Variants in CNST observed in about 807,000 individuals in gnomAD.
CNST encodes the protein consortin.
Under a neutral mutation model 72.4 loss-of-function variants are expected in CNST, and 39 were observed. That is an observed-to-expected ratio of 0.54 (90% CI 0.42 to 0.70). The LOEUF is 0.70. Ranked by LOEUF, CNST falls within the 30% of genes least tolerant of loss-of-function variation. CNST has a pLI of 0.00. For synonymous variants in CNST, 332 were observed against 320.1 expected, an observed-to-expected ratio of 1.04 and a Z score of -0.40; for missense variants, 871 against 868.5, an observed-to-expected ratio of 1.00 and a Z score of -0.04.
intron 2 of CNST, among the ~76,000 whole-genome samples, chr1:246,620,468 A>C (rs111866299): frequency 1.8e-4 from 1 of 5,692 alleles, no homozygotes; most frequent in Non-Finnish European, 4.3e-4. Context: ...GGGCTCTGGG[A>C]ACACTACAGG....
At chr1:246,596,087 T>C (rs188077629) in intron 2 of CNST, among the ~76,000 whole-genome samples, 3 of 152,092 alleles carry the variant, frequency 2.0e-5, no homozygotes, top group Non-Finnish European at 4.4e-5. Flanking sequence ...CTTGATATGC[T>C]TAACTAAGCA....
chr1:246,659,085 G>A (rs1666924368), intron 9 of CNST, among the ~76,000 whole-genome samples: 1 of 152,192 alleles, frequency 6.6e-6, no homozygotes, highest in Non-Finnish European at 1.5e-5. Context: ...AGAGATATTA[G>A]GCAGCAGACT....
chr1:246,660,453 C>T (rs987699539), intron 10 of CNST, 119 bp downstream of exon 10: 14 of 1,083,154 alleles, frequency 1.3e-5, no homozygotes, highest in African/African-American at 4.7e-5. Flanking sequence ...CCGCCAGGCA[C>T]GGTGGCTCAC....
chr1:246,645,821 T>G (rs1006453511), intron 8 of CNST, among the ~76,000 whole-genome samples: 1 of 152,218 alleles, frequency 6.6e-6, no homozygotes, highest in Non-Finnish European at 1.5e-5. Flanking sequence ...ATCCATGCAC[T>G]TCTCATTCAT....
chr1:246,617,538 T>C lies in CNST; in HGVS notation c.380-3891T>C, dbSNP rs1361955376. On this transcript the variant is annotated intron_variant, in intron 2 of 10. Coordinates refer to ENST00000366513, the MANE Select transcript of CNST (RefSeq NM_152609.3). The stretch of plus-strand genomic sequence containing the variant: ...TTTTGGCATGCACTGTCTCATTTAA[T>C]CCTCACACTAATATTATAAGGTAGA... 2.0e-5 allele frequency among the ~76,000 whole-genome samples: 3 copies of C among 152,334 alleles called. No individual in the cohort carries two copies. In the East Asian group the frequency reaches 5.8e-4, roughly 29 times the overall value.
At chr1:246,645,798 C>G (rs1208072276) in intron 8 of CNST, among the ~76,000 whole-genome samples, 1 of 152,176 alleles carries the variant, frequency 6.6e-6, no homozygotes, top group African/African-American at 2.4e-5. Flanking sequence ...GCAAGCTTCT[C>G]TGTTACCTAC....
chr1:246,602,895 T>TA (rs1295731882), intron 2 of CNST, among the ~76,000 whole-genome samples: 1 of 48,914 alleles, frequency 2.0e-5, no homozygotes, highest in East Asian at 7.7e-4. Flanking sequence ...TCTTTTTGTC[T>TA]AGTTTTTTTT....
In CNST at chr1:246,591,698, G is replaced by A; in HGVS notation, c.136G>A (p.Asp46Asn). The A allele has an allele frequency of 1.2e-6, 2 of 1,614,166 alleles. No homozygotes were observed. The highest frequency in any genetic ancestry group is 1.7e-6 in the Non-Finnish European group (2 of 1,180,036). ...TGAAAATGAAAATCAGCTTGACGGG[G>A]ACGGGCATGAGCATCTGACCAGCAG... ...SDENENQLDG[D>N]GHEHLTSSDS... Residue 46 changes from aspartate (D) to asparagine (N), a missense_variant, in exon 2 of 11, where the codon GAC (aspartate) becomes AAC (asparagine). By Grantham distance (23) the Asp-to-Asn change is conservative. Coordinates refer to ENST00000366513, the MANE Select transcript of CNST (RefSeq NM_152609.3).
intron 1 of CNST, among the ~76,000 whole-genome samples, chr1:246,578,056 A>G (rs941179092): frequency 9.2e-5 from 14 of 152,070 alleles, no homozygotes; most frequent in Non-Finnish European, 2.1e-4. Flanking sequence ...GGTAAAAGGT[A>G]GTGAGAGACT....
At chr1:246,616,455 C>T (rs562854593) in intron 2 of CNST, among the ~76,000 whole-genome samples, 1 of 152,224 alleles carries the variant, frequency 6.6e-6, no homozygotes, top group Non-Finnish European at 1.5e-5. Context: ...CTACTCGGGA[C>T]ACTGAGGTGG....
At position 246,647,642 on chromosome 1, in the gene CNST, T is replaced by G. The variant is rs985609869; in HGVS notation, c.1441T>G (p.Leu481Val). ...CACAGACCAACTTGAGAACAATGAATTAAATGAGCTGCAGCAGCCTGATCT... is the reference window on the plus strand; with the variant it reads ...CACAGACCAACTTGAGAACAATGAAGTAAATGAGCTGCAGCAGCCTGATCT... ...LPTDQLENNE[L>V]NELQQPDLTD... is the part of the protein sequence containing the mutation. Residue 481 changes from leucine to valine, a missense_variant, in exon 9 of 11, where the codon TTA becomes GTA. Transcript: ENST00000366513. The G allele has an allele frequency of 6.2e-7, 1 of 1,614,084 alleles. No individual in the cohort carries two copies. The highest frequency in any genetic ancestry group is 8.5e-7 in the Non-Finnish European group (1 of 1,180,010).
intron 1 of CNST, among the ~76,000 whole-genome samples, chr1:246,581,979 TG>T (rs1311514234): frequency 4.6e-5 from 7 of 152,214 alleles, no homozygotes. Context: ...ATCCTTTAAC[TG>T]GGGTTTTTTT....
At chr1:246,606,330 T>C (rs1309537741) in intron 2 of CNST, 1 of 152,072 alleles carries the variant, frequency 6.6e-6, no homozygotes, top group African/African-American at 2.4e-5. Flanking sequence ...GAAGGTTTGT[T>C]GGGTCCCATC....
intron 2 of CNST, among the ~76,000 whole-genome samples, chr1:246,612,921 G>T (rs1663430460): frequency 6.6e-6 from 1 of 152,092 alleles, no homozygotes; most frequent in Non-Finnish European, 1.5e-5. Flanking sequence ...CTCAGTGTTA[G>T]GGACATACAA....
chr1:246,652,724 G>T (rs1324779706), intron 9 of CNST, among the ~76,000 whole-genome samples: 1 of 152,044 alleles, frequency 6.6e-6, no homozygotes, highest in Admixed American at 6.5e-5. Flanking sequence ...TTTTAATCTG[G>T]CCGGGCACAG....
At chr1:246,652,805 C>T (rs548648432) in intron 9 of CNST, among the ~76,000 whole-genome samples, 20 of 151,066 alleles carry the variant, frequency 1.3e-4, no homozygotes, top group East Asian at 9.7e-4. Context: ...GAGATCGAGA[C>T]CATCCTGGCT....
At chr1:246,590,269 G>C (rs1205152997) in intron 1 of CNST, among the ~76,000 whole-genome samples, 1 of 152,156 alleles carries the variant, frequency 6.6e-6, no homozygotes, top group Non-Finnish European at 1.5e-5. Context: ...CAGCTGACAG[G>C]ACAGAAAGTT....
At chr1:246,625,964 G>T (rs185774410) in intron 3 of CNST, among the ~76,000 whole-genome samples, 19 of 152,228 alleles carry the variant, frequency 1.2e-4, no homozygotes, top group Admixed American at 1.2e-3. Context: ...CTGTTTTGAA[G>T]CGTTTTGTTT....
chr1:246,610,976 C>G (rs1488390156), intron 2 of CNST, among the ~76,000 whole-genome samples: 1 of 152,124 alleles, frequency 6.6e-6, no homozygotes, highest in Non-Finnish European at 1.5e-5. Context: ...TTTTGATCAC[C>G]TGACAATATT....
Sources: allele counts gnomAD v4.1 joint callset (sites outside exome capture counted in the v4.1 genomes callset), GRCh38; gene constraint gnomAD v4.1.1; transcripts MANE v1.5; gene names NCBI Gene and HGNC (gene_info 2026-07-23, HGNC 2026-07-21).